SELENOI: variants seen among roughly 807,000 people sequenced by gnomAD.
The protein encoded by SELENOI is selenoprotein I.
Under a neutral mutation model 50.7 loss-of-function variants are expected in SELENOI, and 24 were observed. The ratio of observed to expected loss-of-function variants is 0.47; its 90% confidence interval spans 0.34 to 0.67. SELENOI has a LOEUF of 0.67. Among genes scored for constraint, SELENOI ranks in the 30% least tolerant of loss-of-function variants. The pLI is 0.01. For synonymous variants in SELENOI, 155 were observed against 170.2 expected, an observed-to-expected ratio of 0.91 and a Z score of 0.70; for missense variants, 352 against 461.4, an observed-to-expected ratio of 0.76 and a Z score of 2.17.
At chr2:26,347,043 G>C (rs1246744415) in intron 1 of SELENOI, 1 of 152,148 alleles carries the variant, frequency 6.6e-6, no homozygotes. Flanking sequence ...AAATAAATGC[G>C]GGTGGTTAAC....
intron 1 of SELENOI, 146 bp downstream of exon 1, chr2:26,346,435 G>A: frequency 1.0e-6 from 1 of 981,996 alleles, no homozygotes; most frequent in Non-Finnish European, 1.4e-6. Context: ...TGCGGGTCCT[G>A]GGGATTGGGG....
chr2:26,381,369 T>C (rs1484883162), intron 6 of SELENOI, among the ~76,000 whole-genome samples: 2 of 151,974 alleles, frequency 1.3e-5, no homozygotes, highest in Non-Finnish European at 2.9e-5. Flanking sequence ...TAGAGCTTCA[T>C]AGATAAGTAT....
intron 1 of SELENOI, among the ~76,000 whole-genome samples, chr2:26,354,450 G>C (rs1023961685): frequency 6.6e-6 from 1 of 152,006 alleles, no homozygotes; most frequent in Non-Finnish European, 1.5e-5. Flanking sequence ...GCAGTGGTGC[G>C]ATCTCGGCTC....
chr2:26,346,438 G>T (rs1045696022), intron 1 of SELENOI, 149 bp downstream of exon 1: 23 of 982,536 alleles, frequency 2.3e-5, no homozygotes, highest in African/African-American at 3.5e-5. Flanking sequence ...GGGTCCTGGG[G>T]ATTGGGGGTC....
At chr2:26,356,516 A>G (rs1677067762) in intron 1 of SELENOI, among the ~76,000 whole-genome samples, 1 of 152,198 alleles carries the variant, frequency 6.6e-6, no homozygotes, top group Admixed American at 6.5e-5. Flanking sequence ...GTTAGAGCCA[A>G]TTTCCTTCTT....
intron 6 of SELENOI, among the ~76,000 whole-genome samples, chr2:26,382,268 G>A (rs1677722510): frequency 6.6e-6 from 1 of 152,210 alleles, no homozygotes; most frequent in African/African-American, 2.4e-5. Context: ...GGGGCACCCA[G>A]GTAGTAATAT....
rs1419329456 is a variant in SELENOI at position 26,373,620 on chromosome 2, T to G, written c.564T>G (p.Ile188Met). 7 of 1,613,760 alleles carry G rather than the reference T, an allele frequency of 4.3e-6. No individual in the cohort carries two copies. Among genetic ancestry groups the G allele is most frequent in the African/African-American group, 1.3e-5 (1 of 74,922 alleles). ...TTTTCCTGCCATGGGGATATGACAT[T>G]AGCCAGGTGGTAAGTATGTGTTCTA... ...GILFLPWGYD[I>M]SQVTISFVYI... The change falls in exon 5 of 10, where the codon ATT becomes ATG. Residue 188 changes from isoleucine (I) to methionine (M), a missense_variant. By Grantham distance (10) the Ile-to-Met change is conservative (BLOSUM62 1). Coordinates refer to ENST00000260585, the MANE Select transcript of SELENOI (RefSeq NM_033505.4).
At chr2:26,361,129 G>A (rs1018416477) in intron 1 of SELENOI, among the ~76,000 whole-genome samples, 1 of 152,216 alleles carries the variant, frequency 6.6e-6, no homozygotes, top group Non-Finnish European at 1.5e-5. Context: ...CAGGAGAATG[G>A]CATGAACCTG....
intron 4 of SELENOI, among the ~76,000 whole-genome samples, chr2:26,371,484 T>C (rs1250670233): frequency 4.8e-5 from 7 of 147,044 alleles, no homozygotes; most frequent in African/African-American, 7.6e-5. Flanking sequence ...GCTGCAATCT[T>C]GGCACTTTGG....
In SELENOI at chr2:26,385,072, C is replaced by T; in HGVS notation, c.845C>T (p.Ser282Leu). 2 of 1,612,854 alleles carry T rather than the reference C, an allele frequency of 1.2e-6. No homozygotes were observed. Among genetic ancestry groups the T allele is most frequent in the Non-Finnish European group, 8.5e-7 (1 of 1,179,370 alleles). ...ACAGCGTGGATCCTTTGGTCACCTT[C>T]AGATATTTTAGAGCTACATCCTAGA... ...LSTAWILWSP[S>L]DILELHPRVF... Residue 282 changes from serine to leucine, a missense_variant, in exon 8 of 10, where the codon TCA (serine) becomes TTA (leucine). Coordinates refer to ENST00000260585, the MANE Select transcript of SELENOI (RefSeq NM_033505.4).
intron 6 of SELENOI, among the ~76,000 whole-genome samples, chr2:26,380,116 A>C (rs1677653842): frequency 6.6e-6 from 1 of 152,206 alleles, no homozygotes; most frequent in Non-Finnish European, 1.5e-5. Context: ...TTTAAGAATT[A>C]CTTTCTCTTT....
chr2:26,371,129 A>C (rs1168293741), intron 4 of SELENOI, among the ~76,000 whole-genome samples: 2 of 139,022 alleles, frequency 1.4e-5, no homozygotes, highest in African/African-American at 5.6e-5. Flanking sequence ...TCCCTCCCGG[A>C]CGGGGCGGCT....
At chr2:26,350,988 A>C (rs917947237) in intron 1 of SELENOI, among the ~76,000 whole-genome samples, 1 of 151,966 alleles carries the variant, frequency 6.6e-6, no homozygotes, top group African/African-American at 2.4e-5. Flanking sequence ...CACTTAGATT[A>C]ATTCGCCTGT....
intron 6 of SELENOI, among the ~76,000 whole-genome samples, chr2:26,375,781 T>C (rs79974167): frequency 0.027 from 4,163 of 152,216 alleles, 154 homozygotes; most frequent in African/African-American, 0.087. Flanking sequence ...AAAAGGTATA[T>C]GTGTGGGCTA....
intron 1 of SELENOI, chr2:26,346,715 G>C (rs72811769): frequency 0.018 from 2,812 of 156,984 alleles, 39 homozygotes; most frequent in Middle Eastern, 0.044. Context: ...CCCGGGAGGG[G>C]AGCGACTTGC....
At chr2:26,365,247 A>C (rs1312292846) in intron 3 of SELENOI, among the ~76,000 whole-genome samples, 1 of 152,198 alleles carries the variant, frequency 6.6e-6, no homozygotes, top group Non-Finnish European at 1.5e-5. Flanking sequence ...GTCATGAAAG[A>C]AAAATCCCCT....
rs530055369 is a variant in SELENOI, at chr2:26,371,690, C to G, written c.311-1677C>G. 1.7e-3 allele frequency among the ~76,000 whole-genome samples: 256 copies of G among 152,366 alleles called. 1 individual carries two copies. Among genetic ancestry groups the G allele is most frequent in the African/African-American group, 6.0e-3 (250 of 41,598 alleles). On this transcript the variant is annotated intron_variant, in intron 4 of 9. Coordinates refer to ENST00000260585, the MANE Select transcript of SELENOI (RefSeq NM_033505.4). ...CCCGGCCAACACAGCGAAACCCCGT[C>G]TCCACCAAAAAAATACGAAAACCAG...
At chr2:26,359,379 T>C (rs1479067204) in intron 1 of SELENOI, among the ~76,000 whole-genome samples, 3 of 152,144 alleles carry the variant, frequency 2.0e-5, no homozygotes, top group Non-Finnish European at 4.4e-5. Context: ...GTAGTGGTAC[T>C]TGCCTGTAAT....
chr2:26,350,164 T>C (rs909121825), intron 1 of SELENOI, among the ~76,000 whole-genome samples: 2 of 140,878 alleles, frequency 1.4e-5, no homozygotes, highest in African/African-American at 5.3e-5. Flanking sequence ...AACTGGTTTT[T>C]GATATTATGG....
Sources: allele counts gnomAD v4.1 joint callset (sites outside exome capture counted in the v4.1 genomes callset), GRCh38; gene constraint gnomAD v4.1.1; transcripts MANE v1.5; gene names NCBI Gene and HGNC (gene_info 2026-07-23, HGNC 2026-07-21).